RBFOX1: variants seen among roughly 807,000 people sequenced by gnomAD.
RBFOX1 encodes RNA binding protein fox-1 homolog 1.
A neutral mutation model predicts 57.7 loss-of-function variants in RBFOX1; 8 were observed. The observed-to-expected ratio is 0.14, with a 90% confidence interval of 0.08 to 0.25. The LOEUF (loss-of-function observed/expected upper bound fraction) is 0.25. Among genes scored for constraint, RBFOX1 ranks in the 10% least tolerant of loss-of-function variants. The probability of loss-of-function intolerance (pLI) is 1.00; values close to 1 mark genes in which losing one functional copy is unlikely to be tolerated. For missense variants in RBFOX1, 611 were observed against 548.5 expected (o/e 1.11, Z -1.14); for synonymous variants, 326 against 222.4 (o/e 1.47, Z -4.15).
intron 4 of RBFOX1, among the ~76,000 whole-genome samples, chr16:7,457,944 C>T: frequency 6.6e-6 from 1 of 152,140 alleles, no homozygotes; most frequent in East Asian, 1.9e-4. Flanking sequence ...TCTTTGTGCC[C>T]CAGGACATTT....
chr16:5,432,537 G>GTTTTTTTTTTTTTTTTTTTTT (rs796803782), intron 1 of RBFOX1, among the ~76,000 whole-genome samples: 1 of 109,498 alleles, frequency 9.1e-6, no homozygotes, highest in Non-Finnish European at 2.0e-5. Context: ...CAACTGGGGA[G>GTTTTTTTTTTTTTTTTTTTTT]TTTTTTTTTT....
At chr16:7,266,693 G>C (rs577138909) in intron 4 of RBFOX1, among the ~76,000 whole-genome samples, 33 of 152,236 alleles carry the variant, frequency 2.2e-4, no homozygotes, top group African/African-American at 7.5e-4. Context: ...GTGTTCATGA[G>C]CTTACATTCT....
intron 4 of RBFOX1, among the ~76,000 whole-genome samples, chr16:7,143,859 G>A (rs1455521345): frequency 1.3e-5 from 2 of 152,112 alleles, no homozygotes; most frequent in Non-Finnish European, 2.9e-5. Context: ...GGTACTATAA[G>A]ATCCTAGAAG....
At chr16:7,653,277 G>A (rs923920227) in intron 11 of RBFOX1, among the ~76,000 whole-genome samples, 2 of 152,182 alleles carry the variant, frequency 1.3e-5, no homozygotes, top group Non-Finnish European at 2.9e-5. Context: ...GAGACAGGAG[G>A]ACTGCTTGAA....
intron 3 of RBFOX1, among the ~76,000 whole-genome samples, chr16:7,041,733 A>G (rs984109979): frequency 6.6e-6 from 1 of 152,190 alleles, no homozygotes. Flanking sequence ...CCTCTTGGGG[A>G]ACAAAGCCAG....
chr16:5,839,169 G>A (rs558145927), intron 3 of RBFOX1, among the ~76,000 whole-genome samples: 26 of 152,174 alleles, frequency 1.7e-4, no homozygotes, highest in African/African-American at 5.5e-4. Flanking sequence ...ACAAATTATC[G>A]TACTCCAGAA....
At chr16:6,382,841 C>T (rs1188678292) in intron 2 of RBFOX1, among the ~76,000 whole-genome samples, 1 of 152,142 alleles carries the variant, frequency 6.6e-6, no homozygotes, top group Non-Finnish European at 1.5e-5. Context: ...GCCTGGGCAA[C>T]AGAGTGAGAC....
At chr16:7,421,797 A>G (rs925513047) in intron 4 of RBFOX1, among the ~76,000 whole-genome samples, 1 of 152,264 alleles carries the variant, frequency 6.6e-6, no homozygotes, top group South Asian at 2.1e-4. Flanking sequence ...GTTTTCTGAC[A>G]TGCAAAATAA....
intron 2 of RBFOX1, among the ~76,000 whole-genome samples, chr16:6,476,588 C>G (rs1269295884): frequency 6.6e-6 from 1 of 152,192 alleles, no homozygotes; most frequent in Non-Finnish European, 1.5e-5. Context: ...TCATCTGAGC[C>G]TTTAATGAGT....
At chr16:6,561,098 A>T (rs1567687324) in intron 2 of RBFOX1, among the ~76,000 whole-genome samples, 1 of 152,162 alleles carries the variant, frequency 6.6e-6, no homozygotes, top group Non-Finnish European at 1.5e-5. Flanking sequence ...TGCTGTTTTA[A>T]TTTGCAGTCT....
chr16:6,073,988 G>T (rs780503285), intron 1 of RBFOX1, among the ~76,000 whole-genome samples: 25 of 151,948 alleles, frequency 1.6e-4, no homozygotes, highest in Non-Finnish European at 3.2e-4. Context: ...TCACTCTGTC[G>T]CCCAGAGTGG....
intron 14 of RBFOX1, among the ~76,000 whole-genome samples, chr16:7,681,440 C>T (rs1022703066): frequency 2.6e-5 from 4 of 152,098 alleles, no homozygotes; most frequent in African/African-American, 9.7e-5. Flanking sequence ...TCCATTAGCG[C>T]AGGCTACTTC....
intron 2 of RBFOX1, among the ~76,000 whole-genome samples, chr16:6,394,032 A>G (rs2092716023): frequency 6.6e-6 from 1 of 152,130 alleles, no homozygotes; most frequent in Non-Finnish European, 1.5e-5. Context: ...CTAAATTGTT[A>G]CTCCTTATTA....
chr16:5,364,911 C>T (rs1012799832), intron 1 of RBFOX1, among the ~76,000 whole-genome samples: 9 of 152,062 alleles, frequency 5.9e-5, no homozygotes, highest in Admixed American at 3.9e-4. Flanking sequence ...CATGATGTCA[C>T]GCTGGACAGT....
At chr16:6,983,360 G>A (rs553405583) in intron 3 of RBFOX1, among the ~76,000 whole-genome samples, 1 of 151,910 alleles carries the variant, frequency 6.6e-6, no homozygotes, top group Non-Finnish European at 1.5e-5. Flanking sequence ...ATTATTGGTG[G>A]GGGGTGGTCT....
At chr16:7,176,885 A>G (rs1315593461) in intron 4 of RBFOX1, among the ~76,000 whole-genome samples, 1 of 152,222 alleles carries the variant, frequency 6.6e-6, no homozygotes, top group Non-Finnish European at 1.5e-5. Flanking sequence ...ATGGGGGGAG[A>G]GGAAAATTTT....
chr16:5,339,470 G>GGTTTTTTTTTTTTTT (rs1567354925), intron 1 of RBFOX1, among the ~76,000 whole-genome samples: 7 of 40,854 alleles, frequency 1.7e-4, no homozygotes, highest in Non-Finnish European at 2.7e-4. Context: ...CTTTTTCCGT[G>GGTTTTTTTTTTTTTT]TTTTTTTTTT....
intron 1 of RBFOX1, among the ~76,000 whole-genome samples, chr16:5,398,261 G>A (rs764082155): frequency 1.1e-4 from 16 of 151,750 alleles, no homozygotes; most frequent in South Asian, 2.1e-4. Context: ...GTGTGGATGT[G>A]GGTGTGCACG....
At chr16:5,928,407 C>G (rs2058978733) in intron 4 of RBFOX1, among the ~76,000 whole-genome samples, 1 of 148,228 alleles carries the variant, frequency 6.7e-6, no homozygotes, top group Non-Finnish European at 1.5e-5. Flanking sequence ...AATGTTCTCG[C>G]CATGAAAAAA....
Sources: allele counts gnomAD v4.1 joint callset (sites outside exome capture counted in the v4.1 genomes callset), GRCh38; gene constraint gnomAD v4.1.1; transcripts MANE v1.5; gene names NCBI Gene and HGNC (gene_info 2026-07-23, HGNC 2026-07-21).